The following NALCN variants were observed in gnomAD, a reference collection of about 807,000 sequenced individuals.
The protein encoded by NALCN is sodium leak channel, non-selective, also known as sodium leak channel NALCN.
In NALCN, 111 loss-of-function variants were observed where a neutral mutation model predicts 225.3. That is an observed-to-expected ratio of 0.49 (90% CI 0.42 to 0.58). NALCN has a LOEUF of 0.58. Among genes scored for constraint, NALCN ranks in the 20% least tolerant of loss-of-function variants. NALCN has a pLI of 0.00. For synonymous variants in NALCN, 764 were observed against 769.0 expected (o/e 0.99, Z 0.11); for missense variants, 1,378 against 2,202.4 (o/e 0.63, Z 7.49).
chr13:101,214,128 A>T (rs1217614940), intron 13 of NALCN, among the ~76,000 whole-genome samples: 1 of 152,234 alleles, frequency 6.6e-6, no homozygotes, highest in Admixed American at 6.5e-5. Flanking sequence ...AAAATGGATG[A>T]GTTCATGTCC....
At chr13:101,178,384 G>A (rs554178709) in intron 14 of NALCN, among the ~76,000 whole-genome samples, 13 of 152,112 alleles carry the variant, frequency 8.5e-5, no homozygotes, top group East Asian at 1.9e-4. Context: ...GATCCTGTTC[G>A]CCTCCCTTTT....
intron 4 of NALCN, 138 bp from the exon 5 acceptor site, chr13:101,377,194 C>A: frequency 2.8e-6 from 3 of 1,071,738 alleles, no homozygotes; most frequent in South Asian, 3.4e-5. Flanking sequence ...CCACCAAAAT[C>A]CACTTTCTTT....
intron 14 of NALCN, among the ~76,000 whole-genome samples, chr13:101,181,752 AAAAC>A (rs1467215980): frequency 6.6e-6 from 1 of 152,036 alleles, no homozygotes; most frequent in African/African-American, 2.4e-5. Flanking sequence ...CCAAAAACTA[AAAAC>A]AAACAAAACA....
intron 7 of NALCN, among the ~76,000 whole-genome samples, chr13:101,334,408 A>C (rs2045298383): frequency 6.6e-6 from 1 of 152,156 alleles, no homozygotes; most frequent in African/African-American, 2.4e-5. Context: ...AATGGGATGA[A>C]CACATACATT....
intron 15 of NALCN, among the ~76,000 whole-genome samples, chr13:101,162,066 G>A (rs930925923): frequency 2.0e-5 from 3 of 151,992 alleles, no homozygotes; most frequent in Non-Finnish European, 2.9e-5. Flanking sequence ...CCACACCTCC[G>A]TGAAGTCCAC....
In NALCN at chr13:101,073,793, C is replaced by T. The variant is rs651737; in HGVS notation, c.4104-116G>A. The stretch of plus-strand genomic sequence containing the variant: ...GTTGTAGCAAATTTGGTTGCTAAGT[C>T]ACCTTTTCCAAAGGTTATACCTTTT... On this transcript the variant is annotated intron_variant, in intron 36 of 43. Coordinates refer to ENST00000251127, the MANE Select transcript of NALCN (RefSeq NM_052867.4). The T allele has an allele frequency of 0.73, 570,275 of 784,846 alleles. 210,177 individuals carry two copies. The highest frequency in any genetic ancestry group is 0.89 in the African/African-American group (51,285 of 57,646). The allele number at this position is 784,846 out of a possible 1,614,324, so 48.6% of individuals were successfully genotyped here.
At chr13:101,179,856 C>T (rs1185187379) in intron 14 of NALCN, among the ~76,000 whole-genome samples, 1 of 152,210 alleles carries the variant, frequency 6.6e-6, no homozygotes, top group Admixed American at 6.5e-5. Flanking sequence ...ACCACACTCT[C>T]TCCAAAGGCC....
Position 101,416,491 on chromosome 13 carries a change from C to T in NALCN, c.-218G>A, listed in dbSNP as rs1407172718. The T allele has an allele frequency of 1.3e-5, 2 of 151,868 alleles. No individual in the cohort carries two copies. The highest frequency in any genetic ancestry group is 2.9e-5 in the Non-Finnish European group (2 of 67,932). 9.4% of individuals were successfully genotyped at this position (151,868 alleles called of 1,614,324 possible). A position where few individuals can be genotyped will look rare whatever the true frequency, so the allele number is the denominator to read the frequency against. On this transcript the variant is annotated 5_prime_UTR_variant, in exon 1 of 44. Coordinates refer to ENST00000251127, the MANE Select transcript of NALCN (RefSeq NM_052867.4). The stretch of plus-strand genomic sequence containing the variant: ...GGCCCGGCTGGGGCCGCGGCTCACG[C>T]TCGCCGTGTCACTCACTGAGCGCCG...
intron 10 of NALCN, among the ~76,000 whole-genome samples, chr13:101,280,945 A>G (rs958212406): frequency 6.7e-6 from 1 of 149,624 alleles, no homozygotes; most frequent in Non-Finnish European, 1.5e-5. Flanking sequence ...CAGTGGCACA[A>G]TCTCAGCTCA....
intron 15 of NALCN, among the ~76,000 whole-genome samples, chr13:101,145,662 G>A (rs1424383578): frequency 6.6e-6 from 1 of 152,102 alleles, no homozygotes; most frequent in Non-Finnish European, 1.5e-5. Flanking sequence ...ACTTTCCTAT[G>A]CTCTCTTTTT....
At chr13:101,392,349 C>T (rs978943564) in intron 3 of NALCN, among the ~76,000 whole-genome samples, 11 of 152,000 alleles carry the variant, frequency 7.2e-5, no homozygotes, top group African/African-American at 1.7e-4. Context: ...TTTTCTTTAT[C>T]GGAATGGAAG....
rs566244154 is a variant in NALCN at position 101,385,911 on chromosome 13, A to T, written c.292-7258T>A. 2.0e-5 allele frequency among the ~76,000 whole-genome samples: 3 copies of T among 152,340 alleles called. No homozygotes were observed. In the East Asian group the frequency reaches 5.8e-4, roughly 29 times the overall value. Reference sequence around the variant, plus strand: ...AATTAAAATCTTACATCTTACAGTCAAAGTATAATTAGAAGCCTTTATTAT... The same window carrying T: ...AATTAAAATCTTACATCTTACAGTCTAAGTATAATTAGAAGCCTTTATTAT... On this transcript the variant is annotated intron_variant, in intron 3 of 43. Coordinates refer to ENST00000251127, the MANE Select transcript of NALCN (RefSeq NM_052867.4).
At chr13:101,352,153 A>G (rs7333463) in intron 6 of NALCN, among the ~76,000 whole-genome samples, 7,378 of 152,248 alleles carry the variant, frequency 0.048, 602 homozygotes, top group African/African-American at 0.17. Context: ...AAGGAATAAA[A>G]TGGACTCAGG....
At chr13:101,205,704 A>G (rs1003443378) in intron 13 of NALCN, among the ~76,000 whole-genome samples, 9 of 152,092 alleles carry the variant, frequency 5.9e-5, no homozygotes, top group Non-Finnish European at 1.2e-4. Context: ...TTAATAAGAG[A>G]TTTTGCTAAT....
intron 18 of NALCN, among the ~76,000 whole-genome samples, chr13:101,124,041 C>A (rs1284235110): frequency 6.6e-6 from 1 of 152,296 alleles, no homozygotes; most frequent in Non-Finnish European, 1.5e-5. Context: ...TTTTTATACT[C>A]ATCATGTTAC....
At chr13:101,139,074 TG>T (rs370624754) in intron 17 of NALCN, among the ~76,000 whole-genome samples, 1 of 152,320 alleles carries the variant, frequency 6.6e-6, no homozygotes, top group African/African-American at 2.4e-5. Flanking sequence ...TTTTAGGATC[TG>T]GGTCAGCCCC....
intron 6 of NALCN, among the ~76,000 whole-genome samples, chr13:101,364,680 G>T (rs1594746127): frequency 6.6e-6 from 1 of 152,098 alleles, no homozygotes; most frequent in East Asian, 1.9e-4. Context: ...AATCAGTAGG[G>T]TGACTATAGT....
intron 11 of NALCN, among the ~76,000 whole-genome samples, chr13:101,238,913 C>T (rs1255424006): frequency 6.6e-6 from 1 of 151,920 alleles, no homozygotes; most frequent in East Asian, 1.9e-4. Flanking sequence ...AAAGGCACTG[C>T]AGATAGTTAA....
intron 6 of NALCN, among the ~76,000 whole-genome samples, chr13:101,374,962 T>C (rs965404522): frequency 3.3e-5 from 5 of 152,230 alleles, no homozygotes; most frequent in African/African-American, 9.6e-5. Flanking sequence ...GAGAGACTAA[T>C]AATTAAATGA....
Sources: gnomAD v4.1 joint callset for allele counts (sites outside exome capture counted in the v4.1 genomes callset) on GRCh38, gnomAD v4.1.1 for gene constraint, MANE v1.5 for transcripts, NCBI Gene and HGNC (gene_info 2026-07-23, HGNC 2026-07-21) for gene names.